The following MCPH1 variants were observed in gnomAD, a reference collection of about 807,000 sequenced individuals.
MCPH1 encodes the protein microcephalin.
In MCPH1, 104 loss-of-function variants were observed where a neutral mutation model predicts 84.5. That is an observed-to-expected ratio of 1.23 (90% CI 1.05 to 1.45). The LOEUF (loss-of-function observed/expected upper bound fraction) is 1.45, where lower values mean the gene tolerates loss of function less well. MCPH1 is among the 40% of genes most tolerant of loss of function. The pLI is 0.00. For synonymous variants in MCPH1, 514 were observed against 366.8 expected, an observed-to-expected ratio of 1.40 and a Z score of -4.58; for missense variants, 1,498 against 1,005.7, an observed-to-expected ratio of 1.49 and a Z score of -6.62.
chr8:6,445,094 A>G lies in MCPH1; in HGVS notation c.1372A>G (p.Met458Val), dbSNP rs771191484. ...SKKERTSIFE[M>V]SDFSCVGKKT... is the part of the protein sequence containing the mutation. ...GAAGGAGAGAACAAGCATATTTGAAATGTCTGATTTTTCCTGCGTTGGCAA... is the reference window on the plus strand; with the variant it reads ...GAAGGAGAGAACAAGCATATTTGAAGTGTCTGATTTTTCCTGCGTTGGCAA... The change falls in exon 8 of 14, where the codon ATG becomes GTG. Residue 458 changes from methionine to valine, a missense_variant. Met to Val is a conservative substitution (Grantham distance 21). Coordinates refer to ENST00000344683, the MANE Select transcript of MCPH1 (RefSeq NM_024596.5). 8.7e-6 allele frequency: 14 copies of G among 1,614,146 alleles called. No individual in the cohort carries two copies. In the African/African-American group the frequency reaches 1.3e-4, roughly 15 times the overall value.
intron 12 of MCPH1, among the ~76,000 whole-genome samples, chr8:6,554,715 G>T (rs747239780): frequency 2.6e-5 from 4 of 152,186 alleles, no homozygotes; most frequent in Non-Finnish European, 4.4e-5. Context: ...GAACCAGTCT[G>T]ATTTTGGAGA....
At chr8:6,465,920 T>TATTGATCC (rs1563247362) in intron 9 of MCPH1, among the ~76,000 whole-genome samples, 2 of 92,044 alleles carry the variant, frequency 2.2e-5, no homozygotes, top group African/African-American at 7.6e-5. Flanking sequence ...CAATTTTATC[T>TATTGATCC]ATCGATCCAT....
At chr8:6,532,522 T>A in intron 12 of MCPH1, 1 of 1,521,272 alleles carries the variant, frequency 6.6e-7, no homozygotes, top group Non-Finnish European at 8.8e-7. Flanking sequence ...CAGTCATTAG[T>A]CAAATGACCG....
rs188133162 is a variant in MCPH1, at chr8:6,645,815, G to T, written c.*2766G>T. The T allele has an allele frequency of 3.9e-5, 6 of 152,120 alleles. No individual in the cohort carries two copies. The East Asian group carries it at 1.2e-3, about 29-fold the overall frequency. 9.4% of individuals were successfully genotyped at this position (152,120 alleles called of 1,614,324 possible). ...AATAAACAAAATAGGAATAGACTTG[G>T]CAACAGTTGTAACATCTGTATACTG... is the stretch of plus-strand genomic sequence containing the variant. On this transcript the variant is annotated 3_prime_UTR_variant, in exon 14 of 14. Transcript: ENST00000344683.
At chr8:6,577,814 G>C (rs1308979665) in intron 12 of MCPH1, among the ~76,000 whole-genome samples, 1 of 152,244 alleles carries the variant, frequency 6.6e-6, no homozygotes, top group Admixed American at 6.5e-5. Context: ...AGCCTAGAAA[G>C]ACCTTTAGTA....
chr8:6,625,126 C>T (rs1445782350), intron 13 of MCPH1: 8 of 907,750 alleles, frequency 8.8e-6, no homozygotes, highest in South Asian at 1.0e-4. Context: ...CCTCCTGCCT[C>T]GGCCTCCCAA....
rs189530096 is a variant in MCPH1, at chr8:6,457,379, G to A, written c.1935+2127G>A. Reference sequence around the variant, plus strand: ...GCGGGCGGATCACTTGAGGTCAGGAGTTCGAGACCAGCCTGGCCAACATGG... The same window carrying A: ...GCGGGCGGATCACTTGAGGTCAGGAATTCGAGACCAGCCTGGCCAACATGG... On this transcript the variant is annotated intron_variant, in intron 9 of 13. Coordinates refer to ENST00000344683, the MANE Select transcript of MCPH1 (RefSeq NM_024596.5). 7.5e-3 allele frequency among the ~76,000 whole-genome samples: 1,134 copies of A among 151,814 alleles called. 21 individuals are homozygous for A. Among genetic ancestry groups the A allele is most frequent in the African/African-American group, 0.026 (1,057 of 41,128 alleles).
chr8:6,446,879 C>T (rs1470284625), intron 8 of MCPH1: 1 of 981,058 alleles, frequency 1.0e-6, no homozygotes, highest in Non-Finnish European at 1.2e-6. Flanking sequence ...AGAACACTGC[C>T]CCCCTGCGTC....
intron 12 of MCPH1, among the ~76,000 whole-genome samples, chr8:6,542,421 C>T (rs1476232358): frequency 6.6e-6 from 1 of 151,878 alleles, no homozygotes; most frequent in Non-Finnish European, 1.5e-5. Flanking sequence ...CATTCCAAAG[C>T]TTGGTGGGCA....
At chr8:6,479,716 C>G (rs986114397) in intron 10 of MCPH1, among the ~76,000 whole-genome samples, 1 of 152,040 alleles carries the variant, frequency 6.6e-6, no homozygotes, top group African/African-American at 2.4e-5. Flanking sequence ...AGAGAGAAAA[C>G]TAATGTCAGA....
At position 6,524,559 on chromosome 8, in the gene MCPH1, G is replaced by A. The variant is rs139215056; in HGVS notation, c.2214+24630G>A. ...TGAGTGATAGTTGGGTTCAGATCACGTCTTACCTTCCGTTTAACAGAGATG... is the reference window on the plus strand; with the variant it reads ...TGAGTGATAGTTGGGTTCAGATCACATCTTACCTTCCGTTTAACAGAGATG... On this transcript the variant is annotated intron_variant, in intron 12 of 13. Coordinates refer to ENST00000344683, the MANE Select transcript of MCPH1 (RefSeq NM_024596.5). 2.0e-4 allele frequency among the ~76,000 whole-genome samples: 31 copies of A among 152,326 alleles called. No homozygotes were observed. In the East Asian group the frequency reaches 5.0e-3, roughly 25 times the overall value.
At chr8:6,637,172 G>A (rs1340050638) in intron 13 of MCPH1, among the ~76,000 whole-genome samples, 1 of 152,338 alleles carries the variant, frequency 6.6e-6, no homozygotes, top group East Asian at 1.9e-4. Context: ...TGCAGGTACA[G>A]CAACTGACAG....
At chr8:6,589,631 T>A (rs1051242051) in intron 12 of MCPH1, among the ~76,000 whole-genome samples, 3 of 152,202 alleles carry the variant, frequency 2.0e-5, no homozygotes, top group African/African-American at 7.2e-5. Flanking sequence ...TCATCTTCCA[T>A]CTCGATAGAA....
intron 12 of MCPH1, among the ~76,000 whole-genome samples, chr8:6,560,607 T>C (rs922185624): frequency 6.6e-6 from 1 of 152,176 alleles, no homozygotes; most frequent in Non-Finnish European, 1.5e-5. Context: ...AGATAAACAT[T>C]AAGTCATTCT....
At chr8:6,540,023 G>T (rs1266837136) in intron 12 of MCPH1, among the ~76,000 whole-genome samples, 1 of 152,156 alleles carries the variant, frequency 6.6e-6, no homozygotes, top group Non-Finnish European at 1.5e-5. Flanking sequence ...ATAAGTTTGT[G>T]GGCCTCAGCT....
chr8:6,515,032 GTCA>G (rs1303126262), intron 12 of MCPH1, among the ~76,000 whole-genome samples: 1 of 152,156 alleles, frequency 6.6e-6, no homozygotes, highest in Non-Finnish European at 1.5e-5. Context: ...TGACTCACTT[GTCA>G]TCATCTGTTC....
chr8:6,626,440 G>A, intron 13 of MCPH1: 3 of 983,998 alleles, frequency 3.0e-6, no homozygotes, highest in Non-Finnish European at 3.6e-6. Flanking sequence ...CAACCAGAAG[G>A]AGAAATGGGG....
intron 11 of MCPH1, among the ~76,000 whole-genome samples, chr8:6,482,278 C>T (rs1809341352): frequency 6.6e-6 from 1 of 152,126 alleles, no homozygotes; most frequent in Admixed American, 6.6e-5. Context: ...GCTGACGTAG[C>T]TAAAATCTAT....
At chr8:6,478,702 G>A (rs1808795316) in intron 10 of MCPH1, among the ~76,000 whole-genome samples, 3 of 152,180 alleles carry the variant, frequency 2.0e-5, no homozygotes. Context: ...GAGTTCTAGG[G>A]AGTGTGTAGT....
Sources: allele counts gnomAD v4.1 joint callset (sites outside exome capture counted in the v4.1 genomes callset), GRCh38; gene constraint gnomAD v4.1.1; transcripts MANE v1.5; gene names NCBI Gene and HGNC (gene_info 2026-07-23, HGNC 2026-07-21).